Variants in TRIO observed in about 807,000 individuals in gnomAD.
TRIO encodes trio Rho guanine nucleotide exchange factor.
Under a neutral mutation model 351.9 loss-of-function variants are expected in TRIO, and 58 were observed. That is an observed-to-expected ratio of 0.16 (90% confidence interval 0.13 to 0.21). The LOEUF is 0.21. TRIO is among the 10% of genes least tolerant of loss of function. TRIO has a pLI of 1.00. For missense variants in TRIO, 3,201 were observed against 4,027.8 expected, an observed-to-expected ratio of 0.79 and a Z score of 5.56; for synonymous variants, 1,758 against 1,595.7, an observed-to-expected ratio of 1.10 and a Z score of -2.42.
chr5:14,290,253 G>A (rs182265851), intron 4 of TRIO, among the ~76,000 whole-genome samples: 286 of 152,304 alleles, frequency 1.9e-3, no homozygotes, highest in African/African-American at 6.6e-3. Flanking sequence ...TGAGCAAGAC[G>A]TTTGTGTAAT....
intron 9 of TRIO, among the ~76,000 whole-genome samples, chr5:14,326,591 A>T (rs1740411578): frequency 6.6e-6 from 1 of 152,180 alleles, no homozygotes; most frequent in South Asian, 2.1e-4. Flanking sequence ...GGAAGGGATC[A>T]GCTTTTGTGT....
intron 33 of TRIO, among the ~76,000 whole-genome samples, chr5:14,409,116 G>A (rs193067058): frequency 1.3e-5 from 2 of 152,228 alleles, no homozygotes; most frequent in African/African-American, 4.8e-5. Context: ...TCTCCTGCGT[G>A]TGGAGAATTC....
intron 44 of TRIO, 44 bp from the exon 45 acceptor site, chr5:14,481,497 C>G: frequency 1.2e-6 from 2 of 1,607,320 alleles, no homozygotes; most frequent in Non-Finnish European, 1.7e-6. Flanking sequence ...CAGATTTTCC[C>G]TAGAGGAACT....
rs1579583236 is a variant in TRIO, at chr5:14,413,338, G to A, written c.4960-6440G>A. Among the ~76,000 whole-genome samples the A allele has an allele frequency of 2.0e-5, 3 of 152,340 alleles. No individual in the cohort carries two copies. The South Asian group carries it at 6.2e-4, about 32-fold the overall frequency. ...TCTTGCGTAAAGCACCTTTCCAGCT[G>A]TTCCGTCTTTCATCCTAGCTGCATG... On this transcript the variant is annotated intron_variant, in intron 33 of 56. Transcript: ENST00000344204.
Position 14,290,908 on chromosome 5 carries a change from G to C in TRIO, c.733G>C (p.Glu245Gln), listed in dbSNP as rs771914128. ...ACTTCAGGACATCCTAGCTAAGAAG[G>C]AGCTGCCTCAGGATTTAGAGGGGGC... ...EELQDILAKK[E>Q]LPQDLEGARN... Residue 245 changes from glutamate (E) to glutamine (Q), a missense_variant, in exon 5 of 57, where the codon GAG becomes CAG. This residue lies in a region of TRIO where 349 missense variants were observed against 449.3 expected (regional missense o/e 0.78). Coordinates refer to ENST00000344204, the MANE Select transcript of TRIO (RefSeq NM_007118.4). 1 of 1,614,158 alleles carries C rather than the reference G, an allele frequency of 6.2e-7. No homozygotes were observed. Among genetic ancestry groups the C allele is most frequent in the Non-Finnish European group, 8.5e-7 (1 of 1,180,028 alleles).
intron 56 of TRIO, 69 bp downstream of exon 56, chr5:14,507,329 C>T (rs1443581309): frequency 6.3e-7 from 1 of 1,585,842 alleles, no homozygotes; most frequent in Non-Finnish European, 8.5e-7. Flanking sequence ...GACACAGAGC[C>T]CCCTCTGAAG....
rs552715103 is a variant in TRIO at position 14,449,347 on chromosome 5, C to T, written c.5204-11672C>T. 4.1e-4 allele frequency among the ~76,000 whole-genome samples: 62 copies of T among 152,306 alleles called. No individual in the cohort carries two copies. The South Asian group carries it at 0.011, about 26-fold the overall frequency. ...GGAAGCAGAGAAAGTCCCATGGAGG[C>T]GGCTTCCGTTAGCACTGGCATGTTC... On this transcript the variant is annotated intron_variant, in intron 34 of 56. Transcript: ENST00000344204.
chr5:14,265,097 T>C (rs1003723354), intron 1 of TRIO, among the ~76,000 whole-genome samples: 1 of 151,972 alleles, frequency 6.6e-6, no homozygotes, highest in African/African-American at 2.4e-5. Context: ...TTTTTTTTTT[T>C]TTCCCAATCT....
intron 11 of TRIO, among the ~76,000 whole-genome samples, chr5:14,349,212 T>G (rs1742786319): frequency 7.1e-6 from 1 of 141,820 alleles, no homozygotes; most frequent in Non-Finnish European, 1.5e-5. Context: ...ACACACATGA[T>G]CATGTGTGTT....
rs760794456 is a variant in TRIO at position 14,297,231 on chromosome 5, A to G, written c.1336A>G (p.Met446Val). ...GGATGAGCGGAGCACCTTGCTGGAC[A>G]TGTCCTCCATTTTCCACCAGAAGGC... ...ALDERSTLLDMSSIFHQKAEK... is the reference protein window; with the variant it reads ...ALDERSTLLDVSSIFHQKAEK... The change falls in exon 7 of 57, where the codon ATG (methionine) becomes GTG (valine). Residue 446 changes from methionine (M) to valine (V), a missense_variant. Coordinates refer to ENST00000344204, the MANE Select transcript of TRIO (RefSeq NM_007118.4). 2 of 1,614,100 alleles carry G rather than the reference A, an allele frequency of 1.2e-6. No homozygotes were observed. Among genetic ancestry groups the G allele is most frequent in the East Asian group, 2.2e-5 (1 of 44,862 alleles).
Position 14,461,205 on chromosome 5 carries a change from C to G in TRIO, c.5390C>G (p.Ala1797Gly). The G allele has an allele frequency of 6.4e-7, 1 of 1,567,668 alleles. No individual in the cohort carries two copies. The highest frequency in any genetic ancestry group is 1.2e-5 in the South Asian group (1 of 85,502). Residue 1797 changes from alanine (A) to glycine (G), a missense_variant, in exon 35 of 57, where the codon GCG (alanine) becomes GGG (glycine). Around this residue, in one of 19 missense-constraint regions of TRIO, gnomAD observed 193 missense variants for 218.8 expected, o/e 0.88. Transcript: ENST00000344204. ...GCCGACGGGCACGTGAAGAAGCTGGCGCACAAGCACAAGAAGAGCCGCGAG... is the reference window on the plus strand; with the variant it reads ...GCCGACGGGCACGTGAAGAAGCTGGGGCACAAGCACAAGAAGAGCCGCGAG... ...GKADGHVKKLAHKHKKSREVR... is the reference protein window; with the variant it reads ...GKADGHVKKLGHKHKKSREVR...
At chr5:14,436,462 A>G (rs1380002667) in intron 34 of TRIO, among the ~76,000 whole-genome samples, 1 of 152,082 alleles carries the variant, frequency 6.6e-6, no homozygotes, top group Non-Finnish European at 1.5e-5. Context: ...GTCCCTCCCA[A>G]ATCTCATGTC....
intron 3 of TRIO, among the ~76,000 whole-genome samples, chr5:14,285,467 C>T (rs1041592223): frequency 3.3e-5 from 5 of 151,592 alleles, no homozygotes; most frequent in African/African-American, 9.7e-5. Flanking sequence ...ATTTGTAAAA[C>T]GTGGGAAGCT....
intron 1 of TRIO, among the ~76,000 whole-genome samples, chr5:14,211,848 C>T (rs1791921815): frequency 6.6e-6 from 1 of 151,580 alleles, no homozygotes; most frequent in African/African-American, 2.4e-5. Context: ...CCATGGCTCA[C>T]ATCTGTAATC....
intron 39 of TRIO, 39 bp downstream of exon 39, chr5:14,472,697 C>G: frequency 6.2e-7 from 1 of 1,606,268 alleles, no homozygotes; most frequent in Non-Finnish European, 8.5e-7. Flanking sequence ...CGTATCAGTT[C>G]CAAGAGTTGT....
chr5:14,423,312 C>G (rs1237935770), intron 34 of TRIO, among the ~76,000 whole-genome samples: 2 of 152,248 alleles, frequency 1.3e-5, no homozygotes, highest in Non-Finnish European at 2.9e-5. Flanking sequence ...TCCCTTCACT[C>G]TCTTCCACTC....
At chr5:14,489,153 C>G (rs1368992589) in intron 48 of TRIO, 2 of 638,672 alleles carry the variant, frequency 3.1e-6, no homozygotes, top group East Asian at 2.7e-5. Flanking sequence ...GGGTCTGTGT[C>G]TCTCTTTATA....
At chr5:14,499,761 A>G (rs1186246618) in intron 53 of TRIO, among the ~76,000 whole-genome samples, 2 of 152,118 alleles carry the variant, frequency 1.3e-5, no homozygotes, top group East Asian at 3.9e-4. Flanking sequence ...TTAGAAAGGT[A>G]TACTATTCAG....
At position 14,366,973 on chromosome 5, in the gene TRIO, C is replaced by A. The variant is rs1164097740; in HGVS notation, c.2868C>A (p.Ala956=). 3.1e-6 allele frequency: 5 copies of A among 1,614,098 alleles called. No homozygotes were observed. Among genetic ancestry groups the A allele is most frequent in the Admixed American group, 3.3e-5 (2 of 60,030 alleles). The change falls in exon 16 of 57, where the codon GCC becomes GCA. Residue 956 remains alanine (A), a synonymous_variant. Transcript: ENST00000344204. ...GAGAGCACGAGCAGTTCCAGCATGC[C>A]ATTGAGGTAAGGGCGCTGGGCCTGC... ...LQREHEQFQH[A]IEKTHQSALQ... is the part of the protein sequence containing the mutation.
Sources: gnomAD v4.1 joint callset for allele counts (sites outside exome capture counted in the v4.1 genomes callset) on GRCh38, gnomAD v4.1.1 for gene constraint, gnomAD v4.1.1 regional missense constraint, MANE v1.5 for transcripts, NCBI Gene and HGNC (gene_info 2026-07-23, HGNC 2026-07-21) for gene names.